Variants in TSPAN11 observed in about 807,000 individuals in gnomAD.
TSPAN11 encodes the protein tetraspanin 11, also known as tetraspanin-11.
A neutral mutation model predicts 32.9 loss-of-function variants in TSPAN11; 29 were observed. That is an observed-to-expected ratio of 0.88 (90% CI 0.66 to 1.20). The LOEUF is 1.20. Among genes scored for constraint, TSPAN11 ranks in the 50% most tolerant of loss-of-function variants. The probability of loss-of-function intolerance (pLI) is 0.00; values close to 1 mark genes in which losing one functional copy is unlikely to be tolerated. For synonymous variants in TSPAN11, 140 were observed against 141.3 expected (o/e 0.99, Z 0.07); for missense variants, 283 against 329.1 (o/e 0.86, Z 1.08).
chr12:31,009,539 G>T, the TSPAN11 span, among the ~76,000 whole-genome samples: 2 of 152,170 alleles, frequency 1.3e-5, no homozygotes, highest in South Asian at 4.1e-4. Flanking sequence ...AGCCATGAAG[G>T]AGGGAAGCAG....
chr12:30,991,001 AGAG>A (rs1245530260), intron 7 of TSPAN11, among the ~76,000 whole-genome samples: 1 of 152,184 alleles, frequency 6.6e-6, no homozygotes, highest in African/African-American at 2.4e-5. Context: ...GGAAGAAGGC[AGAG>A]GAGGGCCCAT....
At chr12:31,008,538 C>T in the TSPAN11 span, among the ~76,000 whole-genome samples, 8 of 152,172 alleles carry the variant, frequency 5.3e-5, no homozygotes, top group African/African-American at 1.9e-4. Context: ...CTGCCACTGC[C>T]CCAGCTGCTC....
chr12:30,983,197 C>G, intron 7 of TSPAN11, 47 bp downstream of exon 7: 1 of 1,557,046 alleles, frequency 6.4e-7, no homozygotes, highest in Non-Finnish European at 8.7e-7. Flanking sequence ...GCTCTGAACC[C>G]CTCTCCCATT....
At chr12:30,964,109 G>T in intron 3 of TSPAN11, 92 bp downstream of exon 3, 1 of 995,812 alleles carries the variant, frequency 1.0e-6, no homozygotes. Context: ...GCCCTGGAGT[G>T]GGAGGGGCTG....
In TSPAN11 at chr12:30,994,809, A is replaced by G. The variant is rs1262917272; in HGVS notation, c.*2894A>G. ...CCAGCAAGAGGGTGTTATTTCCCCC[A>G]TTTTATAAAAGGAAATTAAGGCTGG... is the stretch of plus-strand genomic sequence containing the variant. On this transcript the variant is annotated 3_prime_UTR_variant, in exon 8 of 8. Coordinates refer to ENST00000546076, the MANE Select transcript of TSPAN11 (RefSeq NM_001370302.1). 6.6e-6 allele frequency: 1 copy of G among 152,080 alleles called. No homozygotes were observed. Among genetic ancestry groups the G allele is most frequent in the Non-Finnish European group, 1.5e-5 (1 of 68,018 alleles). 9.4% of individuals were successfully genotyped at this position (152,080 alleles called of 1,614,324 possible).
chr12:31,004,021 C>A, the TSPAN11 span, among the ~76,000 whole-genome samples: 4 of 152,172 alleles, frequency 2.6e-5, no homozygotes, highest in African/African-American at 9.7e-5. Flanking sequence ...TGGGAGCAGA[C>A]AGGCAGGTGG....
At chr12:30,984,552 C>CTT (rs55772956) in intron 7 of TSPAN11, among the ~76,000 whole-genome samples, 3,624 of 68,560 alleles carry the variant, frequency 0.053, 343 homozygotes, top group East Asian at 0.14. Context: ...TCGCTTTTTG[C>CTT]TTTTTTTTTT....
At chr12:30,963,734 A>G in intron 2 of TSPAN11, 92 bp from the exon 3 acceptor site, 1 of 1,403,858 alleles carries the variant, frequency 7.1e-7, no homozygotes, top group African/African-American at 1.4e-5. Flanking sequence ...GAGCCAGTGC[A>G]AGAGAAGTGC....
intron 1 of TSPAN11, among the ~76,000 whole-genome samples, chr12:30,951,311 G>C (rs1938376457): frequency 6.6e-6 from 1 of 152,154 alleles, no homozygotes; most frequent in Non-Finnish European, 1.5e-5. Context: ...GTCTGTTCCA[G>C]GTGACTAAGT....
intron 2 of TSPAN11, among the ~76,000 whole-genome samples, chr12:30,957,342 G>C (rs1052063390): frequency 6.6e-6 from 1 of 151,866 alleles, no homozygotes; most frequent in Non-Finnish European, 1.5e-5. Context: ...GCCGTGGCAG[G>C]TGAGACAAGT....
intron 7 of TSPAN11, among the ~76,000 whole-genome samples, chr12:30,985,997 G>A (rs1939194380): frequency 6.6e-6 from 1 of 152,204 alleles, no homozygotes; most frequent in African/African-American, 2.4e-5. Flanking sequence ...GCCAAGCCTC[G>A]GGTTAGGGCT....
At position 30,969,078 on chromosome 12, in the gene TSPAN11, C is replaced by T. The variant is rs1245128129; in HGVS notation, c.276+5061C>T. On this transcript the variant is annotated intron_variant, in intron 3 of 7. Transcript: ENST00000546076. ...AAAATGTGGCTCTAATGAACATTCA[C>T]ATCACTATTGCCGTCACCATGACCA... 2.6e-5 allele frequency among the ~76,000 whole-genome samples: 4 copies of T among 152,202 alleles called. No individual in the cohort carries two copies. In the East Asian group the frequency reaches 7.7e-4, roughly 29 times the overall value.
In TSPAN11 at chr12:30,982,621, C is replaced by T. The variant is rs1565803453; in HGVS notation, c.546C>T (p.Asp182=). 8 of 1,612,542 alleles carry T rather than the reference C, an allele frequency of 5.0e-6. No homozygotes were observed. Among genetic ancestry groups the T allele is most frequent in the Non-Finnish European group, 5.1e-6 (6 of 1,179,654 alleles). ...LREAEGRQVP[D]SCCKTVVVRC... is the part of the protein sequence containing the mutation. ...AGGCCGAGGGCCGCCAGGTGCCCGA[C>T]AGCTGCTGCAAGACAGTGGTGGTGC... Residue 182 remains aspartate, a synonymous_variant, in exon 6 of 8, where the codon GAC becomes GAT. Coordinates refer to ENST00000546076, the MANE Select transcript of TSPAN11 (RefSeq NM_001370302.1).
At chr12:30,980,386 G>T (rs1356099675) in intron 5 of TSPAN11, among the ~76,000 whole-genome samples, 2 of 152,196 alleles carry the variant, frequency 1.3e-5, no homozygotes, top group African/African-American at 2.4e-5. Flanking sequence ...ATTAGCCCGT[G>T]TGTCTAGTGA....
At chr12:30,941,603 C>A (rs189681021) in intron 1 of TSPAN11, among the ~76,000 whole-genome samples, 95 of 152,300 alleles carry the variant, frequency 6.2e-4, no homozygotes, top group Admixed American at 1.4e-3. Context: ...GCCTAGCCCC[C>A]CTTAAGTTAC....
chr12:30,963,714 A>T, intron 2 of TSPAN11, 112 bp from the exon 3 acceptor site: 1 of 1,177,342 alleles, frequency 8.5e-7, no homozygotes, highest in Non-Finnish European at 1.2e-6. Context: ...CCTCCTTTGG[A>T]GGACTGAATG....
At chr12:30,942,969 C>A (rs1035029216) in intron 1 of TSPAN11, among the ~76,000 whole-genome samples, 1 of 152,198 alleles carries the variant, frequency 6.6e-6, no homozygotes, top group Non-Finnish European at 1.5e-5. Flanking sequence ...AACCCCAGCC[C>A]AGCCTGTGCC....
At chr12:30,967,816 T>TTTTTTTTTTTTTTTTTTTTTTGAGACGGA (rs1938766971) in intron 3 of TSPAN11, among the ~76,000 whole-genome samples, 1 of 148,588 alleles carries the variant, frequency 6.7e-6, no homozygotes, top group African/African-American at 2.5e-5. Flanking sequence ...CTGCTTTCTT[T>TTTTTTTTTTTTTTTTTTTTTTGAGACGGA]GCTTTATCTG....
chr12:30,953,955 G>A, intron 1 of TSPAN11, 26 bp from the exon 2 acceptor site: 3 of 1,571,480 alleles, frequency 1.9e-6, no homozygotes, highest in Non-Finnish European at 2.6e-6. Context: ...TGATTCCCCG[G>A]CCCAGCATAT....
Sources: gnomAD v4.1 joint callset for allele counts (sites outside exome capture counted in the v4.1 genomes callset) on GRCh38, gnomAD v4.1.1 for gene constraint, MANE v1.5 for transcripts, NCBI Gene and HGNC (gene_info 2026-07-23, HGNC 2026-07-21) for gene names.